ARGLU1: variants seen among roughly 807,000 people sequenced by gnomAD.
ARGLU1 encodes the protein arginine and glutamate-rich protein 1.
Under a neutral mutation model 37.6 loss-of-function variants are expected in ARGLU1, and 9 were observed. The ratio of observed to expected loss-of-function variants is 0.24; its 90% CI spans 0.14 to 0.42. ARGLU1 has a LOEUF of 0.42. Among genes scored for constraint, ARGLU1 ranks in the 10% least tolerant of loss-of-function variants. ARGLU1 has a pLI of 1.00. For missense variants in ARGLU1, 211 were observed against 359.2 expected, an observed-to-expected ratio of 0.59 and a Z score of 3.34; for synonymous variants, 166 against 138.5, an observed-to-expected ratio of 1.20 and a Z score of -1.39.
intron 1 of ARGLU1, among the ~76,000 whole-genome samples, chr13:106,565,382 T>TCATA (rs986240245): frequency 6.6e-6 from 1 of 152,206 alleles, no homozygotes; most frequent in Non-Finnish European, 1.5e-5. Context: ...CCTGACATTG[T>TCATA]CATATTCTTA....
Position 106,557,807 on chromosome 13 carries a change from A to T in ARGLU1, c.574-676T>A. ...AAAATACATTTACTGTTAGTGAAAA[A>T]TACAAATGGTAATCCATACTTCATG... On this transcript the variant is annotated intron_variant, in intron 2 of 3. Coordinates refer to ENST00000400198, the MANE Select transcript of ARGLU1 (RefSeq NM_018011.4). The surrounding 1 kb of genome is among the most constrained non-coding windows in gnomAD (Gnocchi z 5.0). The T allele has an allele frequency of 2.3e-6, 3 of 1,280,268 alleles. No homozygotes were observed. Among genetic ancestry groups the T allele is most frequent in the Non-Finnish European group, 3.0e-6 (3 of 1,010,526 alleles). The allele number at this position is 1,280,268 out of a possible 1,614,324, so 79.3% of individuals were successfully genotyped here.
At chr13:106,547,787 G>A (rs1331678299) in intron 3 of ARGLU1, among the ~76,000 whole-genome samples, 2 of 74,530 alleles carry the variant, frequency 2.7e-5, no homozygotes, top group African/African-American at 1.1e-4. Context: ...TTGGGGGTAA[G>A]GTAAAGGGAC....
Position 106,542,683 on chromosome 13 carries a change from A to T in ARGLU1, c.*1313T>A, listed in dbSNP as rs1880290730. On this transcript the variant is annotated 3_prime_UTR_variant, in exon 4 of 4. Coordinates refer to ENST00000400198, the MANE Select transcript of ARGLU1 (RefSeq NM_018011.4). ...AAAAATATTTTCTCTACTTGATGAC[A>T]TGTTTATGCATCTCAGGTAGCATTT... The T allele has an allele frequency of 6.6e-6, 1 of 152,096 alleles. No individual in the cohort carries two copies. Among genetic ancestry groups the T allele is most frequent in the South Asian group, 2.1e-4 (1 of 4,832 alleles). The allele number at this position is 152,096 out of a possible 1,614,324, so 9.4% of individuals were successfully genotyped here.
intron 3 of ARGLU1, among the ~76,000 whole-genome samples, chr13:106,553,200 C>CAAA: frequency 6.6e-6 from 1 of 152,268 alleles, no homozygotes; most frequent in South Asian, 2.1e-4. Flanking sequence ...CTATTTTTAG[C>CAAA]ATTTTGGCTT....
intron 3 of ARGLU1, among the ~76,000 whole-genome samples, chr13:106,547,684 G>A (rs956148713): frequency 6.6e-6 from 1 of 152,096 alleles, no homozygotes; most frequent in Non-Finnish European, 1.5e-5. Context: ...ATTTGTATCT[G>A]CCTGAATATG....
At chr13:106,566,169 A>C (rs1050842909) in intron 1 of ARGLU1, among the ~76,000 whole-genome samples, 1 of 152,254 alleles carries the variant, frequency 6.6e-6, no homozygotes, top group African/African-American at 2.4e-5. Context: ...CTTTGTTTTC[A>C]TATGTATCAC....
chr13:106,552,505 G>C (rs1880557107), intron 3 of ARGLU1, among the ~76,000 whole-genome samples: 1 of 152,150 alleles, frequency 6.6e-6, no homozygotes, highest in Non-Finnish European at 1.5e-5. Flanking sequence ...GGTATAGATT[G>C]AGAGTTTCTT....
intron 3 of ARGLU1, among the ~76,000 whole-genome samples, chr13:106,556,750 G>C (rs918278338): frequency 2.6e-5 from 4 of 152,130 alleles, no homozygotes; most frequent in Non-Finnish European, 5.9e-5. Context: ...GTTGCTATTA[G>C]TTTTTTAGGC....
Position 106,557,710 on chromosome 13 carries a change from G to A in ARGLU1, c.574-579C>T, listed in dbSNP as rs1489443936. ...AACATACAAGGAAGGCTGAGCTGAG[G>A]AATGCAGATGTTTATGGTAAGAAGG... On this transcript the variant is annotated intron_variant, in intron 2 of 3. Transcript: ENST00000400198. This position sits in a 1 kb window ranked among gnomAD's most constrained non-coding sequence, Gnocchi z 5.0. 2 of 1,480,752 alleles carry A rather than the reference G, an allele frequency of 1.4e-6. No individual in the cohort carries two copies. The highest frequency in any genetic ancestry group is 1.8e-6 in the Non-Finnish European group (2 of 1,107,390). The allele number at this position is 1,480,752 out of a possible 1,614,324, so 91.7% of individuals were successfully genotyped here.
chr13:106,558,316 CTAGT>C (rs1387046064), intron 2 of ARGLU1: 1 of 984,834 alleles, frequency 1.0e-6, no homozygotes, highest in Non-Finnish European at 1.2e-6. Flanking sequence ...GCATGTATAT[CTAGT>C]TAAAGACAGG....
At chr13:106,555,312 G>C (rs2138970175) in intron 3 of ARGLU1, among the ~76,000 whole-genome samples, 1 of 152,214 alleles carries the variant, frequency 6.6e-6, no homozygotes, top group African/African-American at 2.4e-5. Context: ...AATGACCCGA[G>C]ACTGCGCCAT....
At chr13:106,558,944 G>C (rs1381253147) in intron 2 of ARGLU1, 1 of 985,280 alleles carries the variant, frequency 1.0e-6, no homozygotes, top group Non-Finnish European at 1.2e-6. Context: ...AGGAAAAAAA[G>C]AAGAGTGAGA....
At chr13:106,545,377 G>C (rs1466775851) in intron 3 of ARGLU1, among the ~76,000 whole-genome samples, 1 of 152,000 alleles carries the variant, frequency 6.6e-6, no homozygotes, top group Non-Finnish European at 1.5e-5. Flanking sequence ...CAAATTTTAG[G>C]TCATTGATTC....
chr13:106,547,047 ATGGGCTCCTGATAAAAAGACGAGTC>A (rs1880409435), intron 3 of ARGLU1, among the ~76,000 whole-genome samples: 1 of 152,086 alleles, frequency 6.6e-6, no homozygotes, highest in Non-Finnish European at 1.5e-5. Flanking sequence ...TACCATGGGA[ATGGGCTCCTGATAAAAAGACGAGTC>A]TGGCCACCAC....
chr13:106,566,537 T>A (rs905921964), intron 1 of ARGLU1, among the ~76,000 whole-genome samples: 2 of 152,232 alleles, frequency 1.3e-5, no homozygotes, highest in Admixed American at 1.3e-4. Context: ...TACTTTTCAA[T>A]GCGGTTTTTG....
intron 3 of ARGLU1, among the ~76,000 whole-genome samples, chr13:106,547,234 G>C (rs1317592224): frequency 6.6e-6 from 1 of 152,042 alleles, no homozygotes; most frequent in South Asian, 2.1e-4. Context: ...TACCCTGTTA[G>C]AGCAGCAAAA....
chr13:106,548,116 T>C (rs1594188344), intron 3 of ARGLU1, among the ~76,000 whole-genome samples: 1 of 152,344 alleles, frequency 6.6e-6, no homozygotes, highest in East Asian at 1.9e-4. Flanking sequence ...ATACTGTCTA[T>C]ATACAAATAT....
At chr13:106,549,047 G>A (rs952936609) in intron 3 of ARGLU1, among the ~76,000 whole-genome samples, 25 of 152,220 alleles carry the variant, frequency 1.6e-4, no homozygotes, top group African/African-American at 4.8e-4. Context: ...CACTGTGCCC[G>A]GCCTCTGCCC....
chr13:106,563,425 C>CTA (rs887441020), intron 1 of ARGLU1, among the ~76,000 whole-genome samples: 1 of 152,124 alleles, frequency 6.6e-6, no homozygotes, highest in African/African-American at 2.4e-5. Context: ...CAAGCAAGCA[C>CTA]TATACTACCA....
Sources: allele counts gnomAD v4.1 joint callset (sites outside exome capture counted in the v4.1 genomes callset), GRCh38; gene constraint gnomAD v4.1.1; non-coding constraint Gnocchi (gnomAD v3.1); transcripts MANE v1.5; gene names NCBI Gene and HGNC (gene_info 2026-07-23, HGNC 2026-07-21).